The following FLNB variants were observed in gnomAD, a reference collection of about 807,000 sequenced individuals.
FLNB encodes filamin-B.
In FLNB, 111 loss-of-function variants were observed where a neutral mutation model predicts 250.6. That is an observed-to-expected ratio of 0.44 (90% confidence interval 0.38 to 0.52). FLNB has a LOEUF of 0.52. Ranked by LOEUF, FLNB falls within the 20% of genes least tolerant of loss-of-function variation. FLNB has a pLI of 0.00. For synonymous variants in FLNB, 1,302 were observed against 1,372.1 expected (o/e 0.95, Z 1.13); for missense variants, 2,869 against 3,447.8 (o/e 0.83, Z 4.20).
At chr3:58,141,828 C>T in intron 29 of FLNB, 30 bp from the exon 30 acceptor site, 1 of 1,605,702 alleles carries the variant, frequency 6.2e-7, no homozygotes. Flanking sequence ...CAGTATGGTT[C>T]CCAACTAATC....
chr3:58,029,158 G>T (rs1257588644), intron 1 of FLNB, among the ~76,000 whole-genome samples: 1 of 152,128 alleles, frequency 6.6e-6, no homozygotes, highest in Non-Finnish European at 1.5e-5. Context: ...TTATGTAGTG[G>T]TAACTAACTT....
chr3:58,106,575 G>T, intron 11 of FLNB, 105 bp from the exon 12 acceptor site: 1 of 1,043,784 alleles, frequency 9.6e-7, no homozygotes, highest in Non-Finnish European at 1.5e-6. Context: ...CAATCTTCTG[G>T]CCAACACTTG....
intron 1 of FLNB, among the ~76,000 whole-genome samples, chr3:58,022,020 G>A (rs991571756): frequency 6.6e-6 from 1 of 152,072 alleles, no homozygotes; most frequent in Non-Finnish European, 1.5e-5. Flanking sequence ...CGATCTGCCT[G>A]CCTCAGCCTC....
At chr3:58,090,123 A>G (rs2097224205) in intron 4 of FLNB, among the ~76,000 whole-genome samples, 1 of 148,738 alleles carries the variant, frequency 6.7e-6, no homozygotes, top group Non-Finnish European at 1.5e-5. Flanking sequence ...TGTGTTTAAA[A>G]CTTTTCATTT....
intron 9 of FLNB, 148 bp from the exon 10 acceptor site, chr3:58,103,811 G>T: frequency 1.2e-6 from 1 of 844,144 alleles, no homozygotes. Flanking sequence ...GCTTTGAGGG[G>T]AGAGGTCCCA....
In FLNB at chr3:58,166,119, T is replaced by C. The variant is rs556232936; in HGVS notation, c.7199-2321T>C. 3 of 152,274 alleles carry C rather than the reference T, an allele frequency of 2.0e-5. No individual in the cohort carries two copies. In the South Asian group the frequency reaches 6.2e-4, roughly 32 times the overall value. The allele number at this position is 152,274 out of a possible 1,614,324, so 9.4% of individuals were successfully genotyped here. A position where few individuals can be genotyped will look rare whatever the true frequency, so the allele number is the denominator to read the frequency against. ...CACTGTGCCTCTGCTTCCTTTCCTG[T>C]AAAACAGGATTAATAACAGGACCCA... On this transcript the variant is annotated intron_variant, in intron 43 of 45. Transcript: ENST00000295956.
intron 9 of FLNB, 36 bp from the exon 10 acceptor site, chr3:58,103,923 A>T: frequency 2.5e-6 from 4 of 1,613,326 alleles, no homozygotes; most frequent in Non-Finnish European, 3.4e-6. Flanking sequence ...TGGGCCTAGG[A>T]TTGTGTTGGA....
Position 58,077,297 on chromosome 3 carries a change from A to C in FLNB, c.541+3A>C, listed in dbSNP as rs2097203001. 6 of 1,613,754 alleles carry C rather than the reference A, an allele frequency of 3.7e-6. No individual in the cohort carries two copies. In the Admixed American group the frequency reaches 6.7e-5, roughly 18 times the overall value. On this transcript the variant is annotated splice_donor_region_variant and intron_variant, in intron 2 of 45. Transcript: ENST00000295956. ...CCTGGTAGACAGCTGTGCTCCAGGT[A>C]AGTGGCCAGGGCTGCCTAAACCATC...
chr3:58,086,192 AGCCTGG>A (rs2097217127), intron 4 of FLNB, among the ~76,000 whole-genome samples: 1 of 149,392 alleles, frequency 6.7e-6, no homozygotes, highest in Non-Finnish European at 1.5e-5. Context: ...GTTTGAGACC[AGCCTGG>A]CCATGTTGCC....
chr3:58,143,079 C>G (rs2097329734), intron 31 of FLNB, among the ~76,000 whole-genome samples: 1 of 152,192 alleles, frequency 6.6e-6, no homozygotes. Flanking sequence ...TCTTATTTGA[C>G]TTTTCCAGAT....
chr3:58,109,414 A>G (rs2097264798), intron 14 of FLNB, 92 bp downstream of exon 14: 3 of 1,584,340 alleles, frequency 1.9e-6, no homozygotes, highest in African/African-American at 2.7e-5. Context: ...AGGCAGACAT[A>G]TGGAAGGAAC....
intron 1 of FLNB, among the ~76,000 whole-genome samples, chr3:58,052,484 C>T (rs2097164017): frequency 6.6e-6 from 1 of 152,104 alleles, no homozygotes; most frequent in African/African-American, 2.4e-5. Context: ...GGCACCCAGC[C>T]CGGTGAGTAA....
chr3:58,116,542 G>A (rs960260792), intron 18 of FLNB, among the ~76,000 whole-genome samples: 22 of 152,210 alleles, frequency 1.4e-4, no homozygotes, highest in African/African-American at 5.3e-4. Context: ...CAGCTTGCAG[G>A]TGCTTGCCTG....
intron 1 of FLNB, among the ~76,000 whole-genome samples, chr3:58,022,307 G>T (rs937408073): frequency 5.9e-5 from 9 of 152,184 alleles, no homozygotes; most frequent in Non-Finnish European, 2.9e-5. Flanking sequence ...GCAAAACAGT[G>T]GTTCTTTGCT....
chr3:58,035,228 C>T (rs1416094014), intron 1 of FLNB, among the ~76,000 whole-genome samples: 1 of 152,174 alleles, frequency 6.6e-6, no homozygotes, highest in Non-Finnish European at 1.5e-5. Context: ...ACCTCACAGG[C>T]AGATCAAACA....
intron 31 of FLNB, 134 bp from the exon 32 acceptor site, chr3:58,143,339 T>C (rs1213605384): frequency 3.3e-6 from 3 of 906,504 alleles, no homozygotes; most frequent in Non-Finnish European, 5.3e-6. Flanking sequence ...ATTGTGGGAC[T>C]TGAATGTTTT....
In FLNB at chr3:58,085,158, T is replaced by A. The variant is rs150096582; in HGVS notation, c.787+3382T>A. ...GAAAACATGGGTGTACAAGTGCTGT[T>A]TGAGACCCTGCTTTCAATTCTTTTA... On this transcript the variant is annotated intron_variant, in intron 4 of 45. Transcript: ENST00000295956. Among the ~76,000 whole-genome samples the A allele has an allele frequency of 1.7e-3, 264 of 152,362 alleles. 1 individual carries two copies. Among genetic ancestry groups the A allele is most frequent in the African/African-American group, 5.9e-3 (246 of 41,584 alleles).
At chr3:58,159,420 C>T (rs2107307215) in intron 41 of FLNB, 134 bp from the exon 42 acceptor site, 2 of 856,024 alleles carry the variant, frequency 2.3e-6, no homozygotes, top group South Asian at 1.4e-5. Flanking sequence ...GCTCACCTGC[C>T]CTTTGTTGTC....
At chr3:58,128,668 G>T (rs959116585) in intron 24 of FLNB, among the ~76,000 whole-genome samples, 1 of 152,156 alleles carries the variant, frequency 6.6e-6, no homozygotes, top group African/African-American at 2.4e-5. Flanking sequence ...GACCTGGCAG[G>T]CAACAGTGGA....
Sources: gnomAD v4.1 joint callset for allele counts (sites outside exome capture counted in the v4.1 genomes callset) on GRCh38, gnomAD v4.1.1 for gene constraint, MANE v1.5 for transcripts, NCBI Gene and HGNC (gene_info 2026-07-23, HGNC 2026-07-21) for gene names.